The following PHACTR1 variants were observed in gnomAD, a reference collection of about 807,000 sequenced individuals.
PHACTR1 encodes phosphatase and actin regulator 1.
In PHACTR1, 16 loss-of-function variants were observed where a neutral mutation model predicts 69.2. The ratio of observed to expected loss-of-function variants is 0.23; its 90% CI spans 0.16 to 0.35. PHACTR1 has a LOEUF of 0.35. PHACTR1 is among the 10% of genes least tolerant of loss of function. The pLI, the probability that PHACTR1 is intolerant of heterozygous loss-of-function variation, is 1.00. For missense variants in PHACTR1, 510 were observed against 734.7 expected (o/e 0.69, Z 3.54); for synonymous variants, 312 against 284.5 (o/e 1.10, Z -0.97).
At chr6:12,822,974 TAAC>T (rs1461407578) in intron 4 of PHACTR1, among the ~76,000 whole-genome samples, 4 of 152,164 alleles carry the variant, frequency 2.6e-5, no homozygotes, top group African/African-American at 9.7e-5. Context: ...GGCTTAGCAG[TAAC>T]AACAGATAAA....
chr6:13,268,032 C>T (rs1446092668), intron 10 of PHACTR1, among the ~76,000 whole-genome samples: 1 of 151,966 alleles, frequency 6.6e-6, no homozygotes, highest in Non-Finnish European at 1.5e-5. Flanking sequence ...TCTGGGAGGC[C>T]GAGGTGGGTG....
intron 4 of PHACTR1, among the ~76,000 whole-genome samples, chr6:12,948,968 G>T (rs954518293): frequency 6.6e-6 from 1 of 152,066 alleles, no homozygotes; most frequent in African/African-American, 2.4e-5. Context: ...TGACATTGGG[G>T]TACAAAGAAA....
intron 6 of PHACTR1, among the ~76,000 whole-genome samples, chr6:13,175,928 A>G (rs9463505): frequency 1.3e-5 from 2 of 152,026 alleles, no homozygotes; most frequent in African/African-American, 2.4e-5. Context: ...CAACTGGGAA[A>G]GTCTGAGTCT....
At chr6:12,998,678 T>C (rs1416392145) in intron 4 of PHACTR1, among the ~76,000 whole-genome samples, 1 of 145,530 alleles carries the variant, frequency 6.9e-6, no homozygotes, top group Non-Finnish European at 1.5e-5. Context: ...AAGTCAACAA[T>C]TGGTAAGTTT....
At chr6:13,163,048 C>A (rs1759276779) in intron 6 of PHACTR1, among the ~76,000 whole-genome samples, 1 of 152,130 alleles carries the variant, frequency 6.6e-6, no homozygotes, top group Non-Finnish European at 1.5e-5. Context: ...AGTTCGAGAC[C>A]AGCCTGGCCA....
intron 4 of PHACTR1, among the ~76,000 whole-genome samples, chr6:12,946,885 T>G: frequency 7.1e-6 from 1 of 140,460 alleles, no homozygotes; most frequent in Non-Finnish European, 1.5e-5. Context: ...CAATCTCGGC[T>G]CACTGCAACC....
chr6:12,797,817 G>C (rs766800619), intron 4 of PHACTR1, among the ~76,000 whole-genome samples: 1 of 152,048 alleles, frequency 6.6e-6, no homozygotes, highest in Non-Finnish European at 1.5e-5. Flanking sequence ...CTTCTTCCTT[G>C]GATGATCACA....
intron 5 of PHACTR1, among the ~76,000 whole-genome samples, chr6:13,134,407 A>G (rs1289959705): frequency 6.6e-6 from 1 of 152,200 alleles, no homozygotes; most frequent in Non-Finnish European, 1.5e-5. Context: ...GTCTGTGTAG[A>G]AAGAAGTAGA....
At chr6:13,217,850 G>T (rs1387058544) in intron 8 of PHACTR1, among the ~76,000 whole-genome samples, 2 of 152,188 alleles carry the variant, frequency 1.3e-5, no homozygotes, top group East Asian at 3.8e-4. Context: ...GGTTATTTCT[G>T]CTATTTTTCA....
intron 10 of PHACTR1, among the ~76,000 whole-genome samples, chr6:13,242,409 T>G (rs1442154676): frequency 6.6e-6 from 1 of 152,238 alleles, no homozygotes; most frequent in Admixed American, 6.5e-5. Flanking sequence ...AGGTCATGAT[T>G]CTTGCACTTG....
intron 4 of PHACTR1, among the ~76,000 whole-genome samples, chr6:12,977,325 T>C (rs1795011490): frequency 6.6e-6 from 1 of 152,052 alleles, no homozygotes; most frequent in East Asian, 1.9e-4. Flanking sequence ...GAGGGACGGC[T>C]ATATATTGCT....
intron 4 of PHACTR1, among the ~76,000 whole-genome samples, chr6:12,825,180 G>A (rs1420243752): frequency 1.3e-5 from 2 of 152,004 alleles, no homozygotes; most frequent in African/African-American, 4.8e-5. Flanking sequence ...GAGTGTGGTG[G>A]TGTGCACCTG....
At chr6:13,174,708 C>A (rs1159683175) in intron 6 of PHACTR1, among the ~76,000 whole-genome samples, 1 of 144,984 alleles carries the variant, frequency 6.9e-6, no homozygotes, top group Non-Finnish European at 1.5e-5. Context: ...TAAATTAAAT[C>A]ACATACATTC....
chr6:12,835,566 C>A (rs1343812314), intron 4 of PHACTR1, among the ~76,000 whole-genome samples: 2 of 151,924 alleles, frequency 1.3e-5, no homozygotes, highest in Non-Finnish European at 2.9e-5. Context: ...AATAAGTCTC[C>A]CTCCCAGCAA....
At chr6:13,170,390 C>T (rs1760421474) in intron 6 of PHACTR1, among the ~76,000 whole-genome samples, 1 of 152,146 alleles carries the variant, frequency 6.6e-6, no homozygotes, top group African/African-American at 2.4e-5. Context: ...TACCTGGACC[C>T]CTCCTGTGAA....
chr6:13,011,597 G>A (rs1045073729), intron 4 of PHACTR1, among the ~76,000 whole-genome samples: 1 of 152,200 alleles, frequency 6.6e-6, no homozygotes, highest in African/African-American at 2.4e-5. Flanking sequence ...GAGCCCTTTA[G>A]TATTCTGCAA....
At chr6:13,262,009 G>A (rs1442750003) in intron 10 of PHACTR1, among the ~76,000 whole-genome samples, 1 of 152,194 alleles carries the variant, frequency 6.6e-6, no homozygotes, top group Admixed American at 6.5e-5. Flanking sequence ...TGTCCTGTGA[G>A]CACTGTAAAG....
chr6:12,995,891 T>C (rs1027050375), intron 4 of PHACTR1, among the ~76,000 whole-genome samples: 82 of 152,104 alleles, frequency 5.4e-4, no homozygotes, highest in African/African-American at 2.0e-3. Flanking sequence ...ATATACAAAG[T>C]ATTTTCTCTA....
rs114503144 is a variant in PHACTR1 at position 12,834,783 on chromosome 6, C to A, written c.250+84993C>A. 6.9e-3 allele frequency among the ~76,000 whole-genome samples: 1,051 copies of A among 152,216 alleles called. 17 individuals are homozygous for A. Among genetic ancestry groups the A allele is most frequent in the African/African-American group, 0.024 (1,001 of 41,530 alleles). ...ATTTCTCTCAATATTGTCTTCAGAA[C>A]ACCATACAATATATTCTGCTTAAAT... On this transcript the variant is annotated intron_variant, in intron 4 of 14. Coordinates refer to ENST00000332995, the MANE Select transcript of PHACTR1 (RefSeq NM_030948.6).
Sources: gnomAD v4.1 joint callset for allele counts (sites outside exome capture counted in the v4.1 genomes callset) on GRCh38, gnomAD v4.1.1 for gene constraint, MANE v1.5 for transcripts, NCBI Gene and HGNC (gene_info 2026-07-23, HGNC 2026-07-21) for gene names.